The following KCNMA1 variants were observed in gnomAD, a reference collection of about 807,000 sequenced individuals.
KCNMA1 encodes the protein Calcium-activated potassium channel subunit alpha-1.
In KCNMA1, 29 loss-of-function variants were observed where a neutral mutation model predicts 140.0. The ratio of observed to expected loss-of-function variants is 0.21; its 90% CI spans 0.15 to 0.28. The LOEUF is 0.28. Ranked by LOEUF, KCNMA1 falls within the 10% of genes least tolerant of loss-of-function variation. The pLI, the probability that KCNMA1 is intolerant of heterozygous loss-of-function variation, is 1.00. For synonymous variants in KCNMA1, 612 were observed against 611.9 expected (o/e 1.00, Z 0.00); for missense variants, 880 against 1,602.2 (o/e 0.55, Z 7.70).
intron 3 of KCNMA1, among the ~76,000 whole-genome samples, chr10:77,212,150 T>C (rs547263532): frequency 1.3e-5 from 2 of 152,184 alleles, no homozygotes; most frequent in Non-Finnish European, 2.9e-5. Context: ...TGCACCTACA[T>C]GCTCATTGCC....
intron 23 of KCNMA1, among the ~76,000 whole-genome samples, chr10:76,929,450 G>C (rs759177833): frequency 6.6e-6 from 1 of 152,166 alleles, no homozygotes; most frequent in South Asian, 2.1e-4. Context: ...GAACCATGTG[G>C]AAGTTTGTGA....
intron 5 of KCNMA1, among the ~76,000 whole-genome samples, chr10:77,142,492 T>C (rs928823349): frequency 4.6e-5 from 7 of 152,156 alleles, no homozygotes; most frequent in African/African-American, 1.2e-4. Flanking sequence ...TGAATGTGTA[T>C]GGAAAATGTG....
At chr10:77,489,231 G>T (rs368509589) in intron 1 of KCNMA1, among the ~76,000 whole-genome samples, 4 of 151,910 alleles carry the variant, frequency 2.6e-5, no homozygotes, top group African/African-American at 7.3e-5. Context: ...TATTGCATAG[G>T]GCATACTTAA....
At chr10:77,462,872 C>G (rs1274121631) in intron 1 of KCNMA1, among the ~76,000 whole-genome samples, 1 of 152,128 alleles carries the variant, frequency 6.6e-6, no homozygotes, top group Admixed American at 6.5e-5. Context: ...ACTCTCTCAC[C>G]CCATCCCAGC....
chr10:77,458,711 G>T (rs892602730), intron 1 of KCNMA1, among the ~76,000 whole-genome samples: 1 of 152,196 alleles, frequency 6.6e-6, no homozygotes, highest in Non-Finnish European at 1.5e-5. Context: ...TTTGTTAATG[G>T]TCAGGACACT....
intron 24 of KCNMA1, chr10:76,912,920 A>G (rs1289125181): frequency 6.6e-6 from 1 of 152,204 alleles, no homozygotes; most frequent in African/African-American, 2.4e-5. Context: ...TACACTAAAC[A>G]TGAAAAAGAT....
intron 1 of KCNMA1, among the ~76,000 whole-genome samples, chr10:77,477,338 G>C (rs926429277): frequency 3.9e-5 from 6 of 152,180 alleles, no homozygotes; most frequent in Non-Finnish European, 8.8e-5. Context: ...TAGTTCCTTG[G>C]ACAAAGATCC....
At chr10:76,878,514 T>C (rs1480471822) in intron 29 of KCNMA1, among the ~76,000 whole-genome samples, 1 of 152,172 alleles carries the variant, frequency 6.6e-6, no homozygotes, top group African/African-American at 2.4e-5. Context: ...AAAATCAGAA[T>C]AGCGACCAAT....
intron 14 of KCNMA1, among the ~76,000 whole-genome samples, chr10:77,059,115 T>C (rs1433618460): frequency 6.6e-6 from 1 of 151,892 alleles, no homozygotes; most frequent in Non-Finnish European, 1.5e-5. Flanking sequence ...ATTAGACCAA[T>C]TTTTCAAAAA....
intron 2 of KCNMA1, among the ~76,000 whole-genome samples, chr10:77,266,844 T>C (rs1489438313): frequency 6.6e-6 from 1 of 152,204 alleles, no homozygotes; most frequent in Non-Finnish European, 1.5e-5. Flanking sequence ...CACTCATTCA[T>C]TTATTCAATC....
At chr10:77,628,818 GCA>G (rs545271052) in intron 1 of KCNMA1, among the ~76,000 whole-genome samples, 22 of 152,120 alleles carry the variant, frequency 1.4e-4, no homozygotes, top group Non-Finnish European at 2.6e-4. Context: ...AAATTAAACA[GCA>G]CCAACTTTCC....
intron 2 of KCNMA1, among the ~76,000 whole-genome samples, chr10:77,324,961 CTCTCTCTCTCTGTG>C (rs1225608450): frequency 1.7e-4 from 22 of 132,482 alleles, no homozygotes; most frequent in African/African-American, 5.6e-4. Context: ...CTCTCTCTCT[CTCTCTCTCTCTGTG>C]TGTGTGTGTG....
At chr10:76,895,078 A>G (rs1293884596) in intron 25 of KCNMA1, among the ~76,000 whole-genome samples, 1 of 152,242 alleles carries the variant, frequency 6.6e-6, no homozygotes, top group Non-Finnish European at 1.5e-5. Flanking sequence ...CAGACATTGT[A>G]TAGAAAAGCA....
chr10:76,883,324 A>G (rs1192629970), downstream of KCNMA1, among the ~76,000 whole-genome samples: 1 of 152,208 alleles, frequency 6.6e-6, no homozygotes, highest in Non-Finnish European at 1.5e-5. Flanking sequence ...TATATCAAAT[A>G]TTTATTGAGC....
intron 3 of KCNMA1, among the ~76,000 whole-genome samples, chr10:77,247,021 C>T (rs1180984428): frequency 1.3e-5 from 2 of 152,202 alleles, no homozygotes; most frequent in African/African-American, 2.4e-5. Context: ...AACGTATAAC[C>T]TTTCAGCTTT....
At chr10:77,602,152 C>T (rs2082857059) in intron 1 of KCNMA1, among the ~76,000 whole-genome samples, 1 of 152,188 alleles carries the variant, frequency 6.6e-6, no homozygotes, top group Admixed American at 6.5e-5. Context: ...GGCAGGCTTC[C>T]CAGGTCTCCC....
At chr10:77,327,780 C>T (rs1223748389) in intron 2 of KCNMA1, among the ~76,000 whole-genome samples, 1 of 138,708 alleles carries the variant, frequency 7.2e-6, no homozygotes, top group Non-Finnish European at 1.7e-5. Context: ...AAATAGCCCA[C>T]TGCAAAAAAA....
At chr10:77,518,532 T>C (rs1469898753) in intron 1 of KCNMA1, among the ~76,000 whole-genome samples, 1 of 152,120 alleles carries the variant, frequency 6.6e-6, no homozygotes. Context: ...TGCTCAGAAA[T>C]CTAGGAGCAC....
intron 3 of KCNMA1, among the ~76,000 whole-genome samples, chr10:77,223,173 G>A (rs1384086105): frequency 6.6e-6 from 1 of 151,942 alleles, no homozygotes; most frequent in Non-Finnish European, 1.5e-5. Context: ...GGGTTGCAGT[G>A]CGCTGAGATC....
Sources: allele counts gnomAD v4.1 joint callset (sites outside exome capture counted in the v4.1 genomes callset), GRCh38; gene constraint gnomAD v4.1.1; transcripts MANE v1.5; gene names NCBI Gene and HGNC (gene_info 2026-07-23, HGNC 2026-07-21).